Variants in PTPN4 observed in about 807,000 individuals in gnomAD.
The protein encoded by PTPN4 is tyrosine-protein phosphatase non-receptor type 4.
Under a neutral mutation model 135.5 loss-of-function variants are expected in PTPN4, and 49 were observed. The ratio of observed to expected loss-of-function variants is 0.36; its 90% CI spans 0.29 to 0.46. PTPN4 has a LOEUF of 0.46. PTPN4 is among the 20% of genes least tolerant of loss of function. PTPN4 has a pLI of 1.00. For synonymous variants in PTPN4, 333 were observed against 369.9 expected, an observed-to-expected ratio of 0.90 and a Z score of 1.14; for missense variants, 860 against 1,101.0, an observed-to-expected ratio of 0.78 and a Z score of 3.10.
intron 1 of PTPN4, among the ~76,000 whole-genome samples, chr2:119,797,187 A>G (rs1029074418): frequency 6.6e-6 from 1 of 152,136 alleles, no homozygotes; most frequent in Non-Finnish European, 1.5e-5. Flanking sequence ...AACAGCAGAT[A>G]GTTTAATTTT....
intron 10 of PTPN4, among the ~76,000 whole-genome samples, chr2:119,914,391 C>T (rs548972599): frequency 1.3e-5 from 2 of 151,534 alleles, no homozygotes; most frequent in Admixed American, 6.6e-5. Context: ...AAACATGTCT[C>T]TTCTTCCCTA....
At chr2:119,780,972 T>C (rs1017438067) in intron 1 of PTPN4, among the ~76,000 whole-genome samples, 1 of 152,178 alleles carries the variant, frequency 6.6e-6, no homozygotes, top group Admixed American at 6.5e-5. Flanking sequence ...TAAAAAGTTA[T>C]TCCTCTCCCT....
chr2:119,850,121 A>G (rs114244280), intron 2 of PTPN4, among the ~76,000 whole-genome samples: 2,833 of 152,326 alleles, frequency 0.019, 35 homozygotes, highest in Middle Eastern at 0.027. Flanking sequence ...GAACTTCTCT[A>G]TACTCGCTAC....
intron 2 of PTPN4, among the ~76,000 whole-genome samples, chr2:119,846,179 T>C (rs1355906601): frequency 6.6e-6 from 1 of 152,164 alleles, no homozygotes; most frequent in East Asian, 1.9e-4. Context: ...TTGGATGGAG[T>C]GTTCTGTCTG....
chr2:119,799,461 G>A (rs1057483952), intron 1 of PTPN4, among the ~76,000 whole-genome samples: 4 of 152,110 alleles, frequency 2.6e-5, no homozygotes, highest in Admixed American at 1.3e-4. Flanking sequence ...CAAATTTTTC[G>A]TTTTAAAGTT....
intron 1 of PTPN4, among the ~76,000 whole-genome samples, chr2:119,784,562 AT>A (rs1262770734): frequency 2.0e-5 from 3 of 150,252 alleles, no homozygotes; most frequent in African/African-American, 4.9e-5. Context: ...AATTTTTTGT[AT>A]TTTTTAGTAG....
At chr2:119,902,387 G>T (rs773631634) in intron 10 of PTPN4, among the ~76,000 whole-genome samples, 1 of 152,164 alleles carries the variant, frequency 6.6e-6, no homozygotes, top group East Asian at 1.9e-4. Context: ...AAAATTGATT[G>T]AATTTGTTAC....
At chr2:119,786,132 G>T (rs938428799) in intron 1 of PTPN4, among the ~76,000 whole-genome samples, 2 of 152,088 alleles carry the variant, frequency 1.3e-5, no homozygotes, top group African/African-American at 4.8e-5. Flanking sequence ...ATTGTCTATG[G>T]ACTGGGTACC....
At chr2:119,852,678 G>C (rs189001883) in intron 2 of PTPN4, among the ~76,000 whole-genome samples, 13 of 151,098 alleles carry the variant, frequency 8.6e-5, no homozygotes, top group Admixed American at 8.5e-4. Flanking sequence ...CCCTAATTTT[G>C]GTTTATTTTC....
intron 1 of PTPN4, among the ~76,000 whole-genome samples, chr2:119,764,577 T>C (rs192901503): frequency 4.7e-4 from 71 of 152,334 alleles, no homozygotes; most frequent in Non-Finnish European, 9.0e-4. Context: ...TAATGAATCC[T>C]GGTAATAAGT....
intron 22 of PTPN4, 69 bp downstream of exon 22, chr2:119,957,146 T>G: frequency 7.2e-7 from 1 of 1,388,454 alleles, no homozygotes; most frequent in Non-Finnish European, 1.0e-6. Context: ...TGAGGTTCTT[T>G]TTGTTAAAAT....
At chr2:119,975,346 C>T (rs1451461769) in intron 26 of PTPN4, among the ~76,000 whole-genome samples, 3 of 152,140 alleles carry the variant, frequency 2.0e-5, no homozygotes, top group Non-Finnish European at 4.4e-5. Flanking sequence ...GAATTCCTGG[C>T]CACAAGTGAT....
In PTPN4 at chr2:119,980,527, T is replaced by C. The variant is rs530512984; in HGVS notation, c.*3457T>C. ...TTATTGATTTAGCAGTCTGGTCTTA[T>C]ATGATCTGCTTTCTAATTATCTATC... On this transcript the variant is annotated 3_prime_UTR_variant, in exon 27 of 27. Transcript: ENST00000263708. 1 of 152,156 alleles carries C rather than the reference T, an allele frequency of 6.6e-6. No individual in the cohort carries two copies. The highest frequency in any genetic ancestry group is 2.1e-4 in the South Asian group (1 of 4,812). 9.4% of individuals were successfully genotyped at this position (152,156 alleles called of 1,614,324 possible).
intron 2 of PTPN4, among the ~76,000 whole-genome samples, chr2:119,853,751 T>C (rs1677631810): frequency 6.6e-6 from 1 of 152,202 alleles, no homozygotes; most frequent in African/African-American, 2.4e-5. Context: ...CTTCCATTTC[T>C]CCCATTTCAT....
At chr2:119,775,640 G>T (rs954555553) in intron 1 of PTPN4, among the ~76,000 whole-genome samples, 3 of 152,134 alleles carry the variant, frequency 2.0e-5, no homozygotes, top group Non-Finnish European at 4.4e-5. Context: ...AAGTCTGGAG[G>T]ATTACAGTAT....
intron 2 of PTPN4, among the ~76,000 whole-genome samples, chr2:119,847,042 T>C (rs967392431): frequency 1.3e-5 from 2 of 150,988 alleles, no homozygotes; most frequent in Admixed American, 1.3e-4. Flanking sequence ...AGAAATTGTA[T>C]ATTAGCCTTC....
intron 2 of PTPN4, among the ~76,000 whole-genome samples, chr2:119,842,417 T>C (rs748825757): frequency 1.3e-5 from 2 of 152,170 alleles, no homozygotes; most frequent in African/African-American, 2.4e-5. Context: ...GTTGTAAGCA[T>C]ATAAAAGTAG....
At chr2:119,894,732 A>AT (rs979594577) in intron 9 of PTPN4, among the ~76,000 whole-genome samples, 1 of 152,170 alleles carries the variant, frequency 6.6e-6, no homozygotes, top group African/African-American at 2.4e-5. Flanking sequence ...CAAAGGAATA[A>AT]TTTTTTTACA....
chr2:119,967,458 A>C (rs1259372481), intron 25 of PTPN4, among the ~76,000 whole-genome samples: 3 of 151,998 alleles, frequency 2.0e-5, no homozygotes, highest in Non-Finnish European at 1.5e-5. Context: ...AAAAAAAAAA[A>C]GATATATTTG....
Sources: allele counts gnomAD v4.1 joint callset (sites outside exome capture counted in the v4.1 genomes callset), GRCh38; gene constraint gnomAD v4.1.1; transcripts MANE v1.5; gene names NCBI Gene and HGNC (gene_info 2026-07-23, HGNC 2026-07-21).